Variants in IL6ST observed in about 807,000 individuals in gnomAD.
IL6ST encodes the protein interleukin 6 cytokine family signal transducer.
Under a neutral mutation model 91.3 loss-of-function variants are expected in IL6ST, and 24 were observed. The ratio of observed to expected loss-of-function variants is 0.26; its 90% CI spans 0.19 to 0.37. The LOEUF is 0.37. Among genes scored for constraint, IL6ST ranks in the 10% least tolerant of loss-of-function variants. The pLI is 1.00. For missense variants in IL6ST, 914 were observed against 1,078.5 expected, an observed-to-expected ratio of 0.85 and a Z score of 2.14; for synonymous variants, 351 against 373.6, an observed-to-expected ratio of 0.94 and a Z score of 0.70.
At chr5:55,990,035 A>T (rs1754222097) in intron 1 of IL6ST, among the ~76,000 whole-genome samples, 1 of 152,214 alleles carries the variant, frequency 6.6e-6, no homozygotes, top group Non-Finnish European at 1.5e-5. Context: ...CCTTAGAGCA[A>T]AGGGTGAAGC....
intron 1 of IL6ST, among the ~76,000 whole-genome samples, chr5:55,985,014 C>T (rs1351714892): frequency 6.6e-6 from 1 of 152,188 alleles, no homozygotes; most frequent in Non-Finnish European, 1.5e-5. Flanking sequence ...TATTGATCAA[C>T]TGGGTTTCCT....
chr5:55,937,672 AAAGT>A lies in IL6ST; in HGVS notation c.*3406_*3409del. ...TTACAGAAAAGTACAAATTTTTTAG[AAAGT>A]AATCTTATCAGCACAATATAATCTA... is the stretch of plus-strand genomic sequence containing the variant. On this transcript the variant is annotated 3_prime_UTR_variant, in exon 17 of 17. Coordinates refer to ENST00000381298, the MANE Select transcript of IL6ST (RefSeq NM_002184.4). 5.1e-6 allele frequency: 1 copy of A among 195,710 alleles called. No individual in the cohort carries two copies. The highest frequency in any genetic ancestry group is 1.1e-5 in the Non-Finnish European group (1 of 94,364). The allele number at this position is 195,710 out of a possible 1,614,324, so 12.1% of individuals were successfully genotyped here. A position where few individuals can be genotyped will look rare whatever the true frequency, so the allele number is the denominator to read the frequency against.
Position 55,951,492 on chromosome 5 carries a change from T to C in IL6ST, c.1812A>G (p.Pro604=), listed in dbSNP as rs1751627613. 2 of 1,613,328 alleles carry C rather than the reference T, an allele frequency of 1.2e-6. No homozygotes were observed. The highest frequency in any genetic ancestry group is 1.7e-6 in the Non-Finnish European group (2 of 1,179,666). The change falls in exon 14 of 17, where the codon CCA becomes CCG. Residue 604 remains proline, a synonymous_variant. Transcript: ENST00000381298. ...AYTDEGGKDG[P]EFTFTTPKFA... ...ACTTTGGGGTAGTAAAAGTGAATTC[T>C]GGACCATCCTTCCCACCTTCATCTG... is the stretch of plus-strand genomic sequence containing the variant.
At chr5:55,972,866 G>A (rs968490297) in intron 3 of IL6ST, among the ~76,000 whole-genome samples, 1 of 151,870 alleles carries the variant, frequency 6.6e-6, no homozygotes, top group African/African-American at 2.4e-5. Flanking sequence ...TTACCCGGGC[G>A]TGGTGACCTG....
rs1351924627 is a variant in IL6ST at position 55,966,237 on chromosome 5, T to C, written c.492-1925A>G. Among the ~76,000 whole-genome samples, 3 of 152,208 alleles carry C rather than the reference T, an allele frequency of 2.0e-5. No individual in the cohort carries two copies. The East Asian group carries it at 5.8e-4, about 29-fold the overall frequency. ...ATTTCGGAAACATTCTGTTGAGTTA[T>C]AAAACTTTTCACAGAAGAGTATATA... On this transcript the variant is annotated intron_variant, in intron 5 of 16. Coordinates refer to ENST00000381298, the MANE Select transcript of IL6ST (RefSeq NM_002184.4).
intron 3 of IL6ST, among the ~76,000 whole-genome samples, chr5:55,973,728 C>T (rs997173933): frequency 4.6e-5 from 7 of 152,210 alleles, no homozygotes; most frequent in African/African-American, 1.2e-4. Context: ...GTATTATTAT[C>T]ATTTTAAGCC....
chr5:55,970,432 T>A (rs1363180035), intron 3 of IL6ST, among the ~76,000 whole-genome samples: 2 of 152,280 alleles, frequency 1.3e-5, no homozygotes, highest in East Asian at 3.9e-4. Context: ...GCGTCTATAA[T>A]CTCAGCACTT....
At chr5:55,947,737 A>G in intron 14 of IL6ST, 148 bp from the exon 15 acceptor site, 1 of 581,318 alleles carries the variant, frequency 1.7e-6, no homozygotes, top group Non-Finnish European at 3.0e-6. Context: ...GTCTCTTCAG[A>G]CTTGATGATT....
At chr5:55,959,637 C>T in intron 8 of IL6ST, 2 of 1,296,514 alleles carry the variant, frequency 1.5e-6, no homozygotes, top group Non-Finnish European at 2.0e-6. Flanking sequence ...AACCAAAATT[C>T]CAGGATCAAC....
At chr5:55,956,574 T>TA (rs1751989241) in intron 9 of IL6ST, among the ~76,000 whole-genome samples, 1 of 152,206 alleles carries the variant, frequency 6.6e-6, no homozygotes, top group Admixed American at 6.5e-5. Flanking sequence ...CTCATGCACT[T>TA]ACCAGCATAC....
Position 55,936,542 on chromosome 5 carries a change from C to T in IL6ST, c.*4540G>A, listed in dbSNP as rs1387192254. On this transcript the variant is annotated 3_prime_UTR_variant, in exon 17 of 17. Transcript: ENST00000381298. The stretch of plus-strand genomic sequence containing the variant: ...CATTTAAAATGTCACAAAACCCACA[C>T]GAAGCATCTCATTTACACTAAGATG... 4.8e-5 allele frequency: 10 copies of T among 206,360 alleles called. No individual in the cohort carries two copies. Among genetic ancestry groups the T allele is most frequent in the Admixed American group, 1.2e-4 (2 of 16,792 alleles). 12.8% of individuals were successfully genotyped at this position (206,360 alleles called of 1,614,324 possible).
intron 5 of IL6ST, among the ~76,000 whole-genome samples, 186 bp from the exon 6 acceptor site, chr5:55,964,498 C>A (rs1053351554): frequency 2.0e-5 from 3 of 152,162 alleles, no homozygotes; most frequent in African/African-American, 7.2e-5. Context: ...TGATCTATAT[C>A]TTAAAACATA....
At position 55,947,477 on chromosome 5, in the gene IL6ST, GA is replaced by G. The variant is rs767992598; in HGVS notation, c.1937+15del. On this transcript the variant is annotated intron_variant, in intron 15 of 16. Coordinates refer to ENST00000381298, the MANE Select transcript of IL6ST (RefSeq NM_002184.4). ...AAGCTGGGGGAAAATGCAAAAATAT[GA>G]ATAAAGTTACTTACAGGTCTCGCTT... 7.3e-7 allele frequency: 1 copy of G among 1,379,270 alleles called. No homozygotes were observed. The highest frequency in any genetic ancestry group is 1.0e-6 in the Non-Finnish European group (1 of 996,634). The allele number at this position is 1,379,270 out of a possible 1,614,324, so 85.4% of individuals were successfully genotyped here.
chr5:55,946,540 G>T (rs1580789341), intron 15 of IL6ST, among the ~76,000 whole-genome samples: 1 of 152,182 alleles, frequency 6.6e-6, no homozygotes, highest in East Asian at 1.9e-4. Flanking sequence ...GGTAGGCCAG[G>T]TGTGGTGACT....
intron 1 of IL6ST, among the ~76,000 whole-genome samples, chr5:55,984,881 C>T (rs1477850875): frequency 1.3e-5 from 2 of 152,112 alleles, no homozygotes; most frequent in African/African-American, 4.8e-5. Flanking sequence ...TACAGTAGCC[C>T]CTAGGAAACT....
Position 55,954,824 on chromosome 5 carries a change from C to A in IL6ST, c.1436G>T (p.Arg479Leu). Residue 479 changes from arginine to leucine, a missense_variant, in exon 11 of 17, where the codon CGC (arginine) becomes CTC (leucine). Physicochemically the swap from Arg to Leu is moderately radical, Grantham distance 102. Coordinates refer to ENST00000381298, the MANE Select transcript of IL6ST (RefSeq NM_002184.4). ...GCCAGGTATACCTCTTAAATAGGTGCGATGCACGGTACCATCTTCTTGTTG... is the reference window on the plus strand; with the variant it reads ...GCCAGGTATACCTCTTAAATAGGTGAGATGCACGGTACCATCTTCTTGTTG... ...DWQQEDGTVH[R>L]TYLRGNLAES... 1 of 1,607,396 alleles carries A rather than the reference C, an allele frequency of 6.2e-7. No homozygotes were observed. The highest frequency in any genetic ancestry group is 8.5e-7 in the Non-Finnish European group (1 of 1,177,392).
rs1232956568 is a variant in IL6ST, at chr5:55,960,561, T to A, written c.814A>T (p.Ile272Phe). The A allele has an allele frequency of 1.9e-6, 3 of 1,608,368 alleles. No individual in the cohort carries two copies. The highest frequency in any genetic ancestry group is 1.7e-6 in the Non-Finnish European group (2 of 1,178,210). ...RTKDASTWSQ[I>F]PPEDTASTRS... is the part of the protein sequence containing the mutation. ...GTGGATGCTGTGTCTTCAGGAGGAA[T>A]CTGAAACAAAGCAAACCAAACAACA... is the stretch of plus-strand genomic sequence containing the variant. The change falls in exon 8 of 17, where the codon ATT becomes TTT. Residue 272 changes from isoleucine to phenylalanine, a missense_variant and splice_region_variant. By Grantham distance (21) the Ile-to-Phe change is conservative. Transcript: ENST00000381298.
chr5:55,977,020 A>G (rs1753332630), intron 2 of IL6ST, among the ~76,000 whole-genome samples: 1 of 152,210 alleles, frequency 6.6e-6, no homozygotes. Context: ...AAATGTTCAC[A>G]GCAGCTTCAT....
chr5:55,990,726 T>C (rs1156865678), intron 1 of IL6ST, among the ~76,000 whole-genome samples: 1 of 151,890 alleles, frequency 6.6e-6, no homozygotes. Flanking sequence ...TGAACACATA[T>C]ACACATAAAT....
Sources: allele counts gnomAD v4.1 joint callset (sites outside exome capture counted in the v4.1 genomes callset), GRCh38; gene constraint gnomAD v4.1.1; transcripts MANE v1.5; gene names NCBI Gene and HGNC (gene_info 2026-07-23, HGNC 2026-07-21).